Variants in SGSM1 observed in about 807,000 individuals in gnomAD.
SGSM1 encodes small G protein signaling modulator 1.
A neutral mutation model predicts 133.8 loss-of-function variants in SGSM1; 73 were observed. That is an observed-to-expected ratio of 0.55 (90% CI 0.45 to 0.66). The LOEUF (loss-of-function observed/expected upper bound fraction) is 0.66, where lower values mean the gene tolerates loss of function less well. SGSM1 is among the 30% of genes least tolerant of loss of function. SGSM1 has a pLI of 0.00. For synonymous variants in SGSM1, 563 were observed against 573.0 expected (o/e 0.98, Z 0.25); for missense variants, 1,213 against 1,448.1 (o/e 0.84, Z 2.64).
At chr22:24,830,014 C>T (rs1403482170) in intron 2 of SGSM1, among the ~76,000 whole-genome samples, 2 of 152,016 alleles carry the variant, frequency 1.3e-5, no homozygotes, top group African/African-American at 2.4e-5. Flanking sequence ...GCCCTCTTCC[C>T]CTGTCCACAG....
intron 24 of SGSM1, among the ~76,000 whole-genome samples, chr22:24,922,007 A>G (rs1181344377): frequency 6.6e-6 from 1 of 151,914 alleles, no homozygotes; most frequent in East Asian, 1.9e-4. Flanking sequence ...AGCCAATAAT[A>G]CATATATATC....
intron 2 of SGSM1, among the ~76,000 whole-genome samples, chr22:24,823,815 C>T (rs187828504): frequency 9.2e-5 from 14 of 151,960 alleles, no homozygotes; most frequent in African/African-American, 2.9e-4. Flanking sequence ...GAGGCTGAGG[C>T]GGGAGGATTG....
chr22:24,807,413 G>C (rs1927470298), intron 2 of SGSM1, among the ~76,000 whole-genome samples: 1 of 151,830 alleles, frequency 6.6e-6, no homozygotes, highest in Non-Finnish European at 1.5e-5. Flanking sequence ...TGTGAGGGTG[G>C]GTCTGTGTGT....
intron 2 of SGSM1, among the ~76,000 whole-genome samples, chr22:24,814,581 C>T (rs1410464309): frequency 6.6e-6 from 1 of 151,896 alleles, no homozygotes; most frequent in Non-Finnish European, 1.5e-5. Flanking sequence ...GCCTCAATTA[C>T]CACTATGCTA....
At chr22:24,819,143 C>CAA (rs56384293) in intron 2 of SGSM1, among the ~76,000 whole-genome samples, 13,985 of 106,210 alleles carry the variant, frequency 0.13, 859 homozygotes, top group Admixed American at 0.21. Context: ...AAGACTCTGT[C>CAA]AAAAAAAAAA....
At chr22:24,833,886 C>T (rs747294637) in intron 2 of SGSM1, among the ~76,000 whole-genome samples, 1 of 152,202 alleles carries the variant, frequency 6.6e-6, no homozygotes, top group Non-Finnish European at 1.5e-5. Flanking sequence ...CACTTGAGGG[C>T]GTCTGCTAGT....
chr22:24,921,350 T>A (rs974443410), intron 24 of SGSM1, among the ~76,000 whole-genome samples: 1 of 152,228 alleles, frequency 6.6e-6, no homozygotes, highest in South Asian at 2.1e-4. Context: ...TCCGTCTGCC[T>A]TGGCCTCCCA....
intron 21 of SGSM1, among the ~76,000 whole-genome samples, chr22:24,907,324 G>A (rs1269517470): frequency 6.6e-6 from 1 of 151,816 alleles, no homozygotes; most frequent in Non-Finnish European, 1.5e-5. Flanking sequence ...CAATACTTAT[G>A]AGTAAACTTA....
At chr22:24,837,269 G>A (rs1929486901) in intron 2 of SGSM1, among the ~76,000 whole-genome samples, 1 of 152,224 alleles carries the variant, frequency 6.6e-6, no homozygotes, top group Non-Finnish European at 1.5e-5. Context: ...CCACTGGACA[G>A]GGGGCCCTTC....
At chr22:24,923,651 T>C (rs891883155) in intron 24 of SGSM1, among the ~76,000 whole-genome samples, 3 of 152,124 alleles carry the variant, frequency 2.0e-5, no homozygotes, top group African/African-American at 7.2e-5. Context: ...AGACGGAGTT[T>C]CGCTCTTGTT....
rs768682691 is a variant in SGSM1, at chr22:24,926,346, C to A, written c.*2072C>A. 2 of 152,190 alleles carry A rather than the reference C, an allele frequency of 1.3e-5. No homozygotes were observed. The highest frequency in any genetic ancestry group is 6.5e-5 in the Admixed American group (1 of 15,278). 9.4% of individuals were successfully genotyped at this position (152,190 alleles called of 1,614,324 possible). On this transcript the variant is annotated 3_prime_UTR_variant, in exon 25 of 25. Coordinates refer to ENST00000400358, the MANE Select transcript of SGSM1 (RefSeq NM_001098497.3). ...CGGCTCCCAGCTCCTACCCTACCCCCACCAAAGCAGAAACGGGAGACGGCA... is the reference window on the plus strand; with the variant it reads ...CGGCTCCCAGCTCCTACCCTACCCCAACCAAAGCAGAAACGGGAGACGGCA...
At chr22:24,807,039 G>A (rs1317915820) in intron 2 of SGSM1, among the ~76,000 whole-genome samples, 1 of 152,092 alleles carries the variant, frequency 6.6e-6, no homozygotes, top group African/African-American at 2.4e-5. Context: ...TCCCCTGGCA[G>A]TAGGGGTCCC....
intron 14 of SGSM1, among the ~76,000 whole-genome samples, chr22:24,882,095 A>G (rs1932363369): frequency 6.6e-6 from 1 of 151,534 alleles, no homozygotes; most frequent in African/African-American, 2.4e-5. Context: ...TAGTTTTTTG[A>G]GACAGGGTCT....
In SGSM1 at chr22:24,901,973, G is replaced by A. The variant is rs373562449; in HGVS notation, c.2735+16G>A. On this transcript the variant is annotated intron_variant, in intron 20 of 24. Transcript: ENST00000400358. ...TCATGTGCAGGTGGCTGGGGACAGC[G>A]AGGGGATCTAGGGGATGGGGATGGT... The A allele has an allele frequency of 1.3e-4, 201 of 1,544,262 alleles. No individual in the cohort carries two copies. The highest frequency in any genetic ancestry group is 1.6e-4 in the Non-Finnish European group (184 of 1,142,676).
At chr22:24,834,672 A>G (rs1438557934) in intron 2 of SGSM1, among the ~76,000 whole-genome samples, 1 of 151,996 alleles carries the variant, frequency 6.6e-6, no homozygotes, top group African/African-American at 2.4e-5. Context: ...GAAGGATCTG[A>G]TCCAAGTCTC....
intron 5 of SGSM1, among the ~76,000 whole-genome samples, chr22:24,854,224 C>T (rs890111886): frequency 6.6e-6 from 1 of 152,148 alleles, no homozygotes; most frequent in Admixed American, 6.5e-5. Flanking sequence ...GGCCAGTGCT[C>T]TCAATATTAG....
chr22:24,924,048 G>T, intron 24 of SGSM1, 138 bp from the exon 25 acceptor site: 1 of 711,254 alleles, frequency 1.4e-6, no homozygotes, highest in Non-Finnish European at 2.5e-6. Context: ...TCCAGAGGTA[G>T]AGGCCTTCTC....
At chr22:24,849,555 A>G (rs1422575919) in intron 4 of SGSM1, among the ~76,000 whole-genome samples, 5 of 152,200 alleles carry the variant, frequency 3.3e-5, no homozygotes, top group African/African-American at 1.2e-4. Context: ...TCCGTCTCAA[A>G]ACAACAACAA....
chr22:24,909,031 CCCT>C (rs934835209), intron 21 of SGSM1, among the ~76,000 whole-genome samples: 5 of 152,152 alleles, frequency 3.3e-5, no homozygotes, highest in Non-Finnish European at 7.3e-5. Flanking sequence ...AGCTCCACCT[CCCT>C]CCTCCTGTCA....
Sources: allele counts gnomAD v4.1 joint callset (sites outside exome capture counted in the v4.1 genomes callset), GRCh38; gene constraint gnomAD v4.1.1; transcripts MANE v1.5; gene names NCBI Gene and HGNC (gene_info 2026-07-23, HGNC 2026-07-21).